MYCBP2: variants seen among roughly 807,000 people sequenced by gnomAD.
MYCBP2 encodes the protein MYC binding protein 2.
In MYCBP2, 120 loss-of-function variants were observed where a neutral mutation model predicts 525.3. The ratio of observed to expected loss-of-function variants is 0.23; its 90% confidence interval spans 0.20 to 0.27. MYCBP2 has a LOEUF of 0.27. Among genes scored for constraint, MYCBP2 ranks in the 10% least tolerant of loss-of-function variants. MYCBP2 has a pLI of 1.00. For synonymous variants in MYCBP2, 1,894 were observed against 1,955.8 expected (o/e 0.97, Z 0.83); for missense variants, 4,149 against 5,657.1 (o/e 0.73, Z 8.55).
At chr13:77,189,854 G>T (rs1476446692) in intron 29 of MYCBP2, among the ~76,000 whole-genome samples, 2 of 152,046 alleles carry the variant, frequency 1.3e-5, no homozygotes, top group Non-Finnish European at 2.9e-5. Flanking sequence ...TCAGTCTTAT[G>T]AGACTACAAT....
In MYCBP2 at chr13:77,326,954, C is replaced by A. The variant is rs542767765; in HGVS notation, c.-179G>T. 7 of 524,126 alleles carry A rather than the reference C, an allele frequency of 1.3e-5. No homozygotes were observed. Among genetic ancestry groups the A allele is most frequent in the South Asian group, 1.1e-4 (2 of 17,438 alleles). 32.5% of individuals were successfully genotyped at this position (524,126 alleles called of 1,614,324 possible). On this transcript the variant is annotated 5_prime_UTR_variant, in exon 1 of 83. Transcript: ENST00000544440. The surrounding 1 kb of genome is among the most constrained non-coding windows in gnomAD (Gnocchi z 4.2). ...CCTCCTCCTTCTTCTCCTCCTCCCC[C>A]CCGCGCCGCCCTCGCCGCTACTGGG...
Position 77,171,529 on chromosome 13 carries a change from G to A in MYCBP2, c.5757C>T (p.Ala1919=), listed in dbSNP as rs1177794856. 6.2e-7 allele frequency: 1 copy of A among 1,614,022 alleles called. No homozygotes were observed. The highest frequency in any genetic ancestry group is 8.5e-7 in the Non-Finnish European group (1 of 1,180,002). The change falls in exon 38 of 83, where the codon GCC becomes GCT. Residue 1919 remains alanine, a synonymous_variant. Coordinates refer to ENST00000544440, the MANE Select transcript of MYCBP2 (RefSeq NM_015057.5). Reference sequence around the variant, plus strand: ...GAGCTCTGTGCAGGAGGTCCTTAGAGGCTCGAACGACAGTGCTTACAACAG... The same window carrying A: ...GAGCTCTGTGCAGGAGGTCCTTAGAAGCTCGAACGACAGTGCTTACAACAG... ...ALSVVSTVVR[A]SKDLLHRALA...
chr13:77,311,682 A>G (rs1294804245), intron 1 of MYCBP2, among the ~76,000 whole-genome samples: 5 of 150,982 alleles, frequency 3.3e-5, no homozygotes, highest in Admixed American at 2.6e-4. Context: ...GGGAGAAAAG[A>G]GTCTGTGAAC....
chr13:77,075,928 G>GT lies in MYCBP2; in HGVS notation c.11823+822dup, dbSNP rs2154095053. Reference sequence around the variant, plus strand: ...AACAGGACAATGATTAGATACTACTGTATTAAGAAACACAGGGTGAGACAA... The same window carrying GT: ...AACAGGACAATGATTAGATACTACTGTTATTAAGAAACACAGGGTGAGACAA... On this transcript the variant is annotated intron_variant, in intron 68 of 82. Transcript: ENST00000544440. The GT allele has an allele frequency of 2.0e-5, 3 of 152,244 alleles. 1 individual carries two copies. Among genetic ancestry groups the GT allele is most frequent in the African/African-American group, 7.2e-5 (3 of 41,552 alleles). 9.4% of individuals were successfully genotyped at this position (152,244 alleles called of 1,614,324 possible). A position where few individuals can be genotyped will look rare whatever the true frequency, so the allele number is the denominator to read the frequency against.
At chr13:77,294,117 T>TATATATATAC (rs1555465691) in intron 2 of MYCBP2, among the ~76,000 whole-genome samples, 5 of 56,668 alleles carry the variant, frequency 8.8e-5, no homozygotes, top group Non-Finnish European at 1.3e-4. Flanking sequence ...TATATATATA[T>TATATATATAC]ATATATATAT....
intron 2 of MYCBP2, among the ~76,000 whole-genome samples, chr13:77,291,063 T>A (rs2154361457): frequency 6.6e-6 from 1 of 152,280 alleles, no homozygotes; most frequent in South Asian, 2.1e-4. Flanking sequence ...ATTGGAAAAT[T>A]CAATATCATT....
chr13:77,117,060 G>A (rs761277653), intron 55 of MYCBP2, among the ~76,000 whole-genome samples: 4 of 151,578 alleles, frequency 2.6e-5, no homozygotes, highest in Non-Finnish European at 4.4e-5. Context: ...TTTTCCCTTT[G>A]TCCTTACCTT....
At chr13:77,212,213 T>A (rs577823602) in intron 21 of MYCBP2, 53 bp from the exon 22 acceptor site, 1 of 1,508,960 alleles carries the variant, frequency 6.6e-7, no homozygotes, top group South Asian at 1.2e-5. Flanking sequence ...ACAATCTAAT[T>A]TTCATAAAGT....
chr13:77,068,877 G>A, intron 69 of MYCBP2, 46 bp from the exon 70 acceptor site: 1 of 1,567,708 alleles, frequency 6.4e-7, no homozygotes, highest in Non-Finnish European at 8.7e-7. Context: ...GGGTTAGTTT[G>A]ATTTACTACT....
chr13:77,069,675 T>G (rs1594207340), intron 69 of MYCBP2, among the ~76,000 whole-genome samples: 1 of 117,086 alleles, frequency 8.5e-6, no homozygotes, highest in Non-Finnish European at 1.7e-5. Flanking sequence ...GCTAACACGG[T>G]GAAACCCCGT....
Position 77,257,847 on chromosome 13 carries a change from A to G in MYCBP2, c.2018-18T>C. On this transcript the variant is annotated intron_variant, in intron 13 of 82. Coordinates refer to ENST00000544440, the MANE Select transcript of MYCBP2 (RefSeq NM_015057.5). ...TACCAAACCTATAGGAAAGAAACAA[A>G]TTTAGTAAAAACAACAAAAAGGCCC... 1 of 1,590,322 alleles carries G rather than the reference A, an allele frequency of 6.3e-7. No individual in the cohort carries two copies. The highest frequency in any genetic ancestry group is 1.4e-5 in the African/African-American group (1 of 73,430).
chr13:77,270,234 A>C, intron 6 of MYCBP2, 62 bp downstream of exon 6: 1 of 1,528,232 alleles, frequency 6.5e-7, no homozygotes, highest in Non-Finnish European at 8.8e-7. Flanking sequence ...AGAAACACAC[A>C]GAACACAATT....
chr13:77,072,300 G>GAA (rs56238720), intron 68 of MYCBP2, among the ~76,000 whole-genome samples: 1 of 121,196 alleles, frequency 8.3e-6, no homozygotes, highest in Non-Finnish European at 1.7e-5. Flanking sequence ...CAAAAAAAAA[G>GAA]AAAAAAAAAA....
chr13:77,176,505 G>T lies in MYCBP2; in HGVS notation c.5464C>A (p.Pro1822Thr). Residue 1822 changes from proline (P) to threonine (T), a missense_variant, in exon 36 of 83, where the codon CCT becomes ACT. Transcript: ENST00000544440. Reference sequence around the variant, plus strand: ...CATTCAGTTGAAACTACCTTTAAAGGAACCACTTTGTCAAGTCTGATCTCA... The same window carrying T: ...CATTCAGTTGAAACTACCTTTAAAGTAACCACTTTGTCAAGTCTGATCTCA... ...IAEIRLDKVV[P>T]LKENVKYAVR... 6.3e-7 allele frequency: 1 copy of T among 1,575,196 alleles called. No homozygotes were observed. The highest frequency in any genetic ancestry group is 8.6e-7 in the Non-Finnish European group (1 of 1,156,746).
At chr13:77,180,510 G>A (rs769799723) in intron 33 of MYCBP2, among the ~76,000 whole-genome samples, 192 bp from the exon 34 acceptor site, 32 of 152,278 alleles carry the variant, frequency 2.1e-4, no homozygotes, top group Admixed American at 1.0e-3. Flanking sequence ...CTGTCTCTGC[G>A]TATCAAAGTA....
chr13:77,234,625 A>G (rs2154304476), intron 17 of MYCBP2, among the ~76,000 whole-genome samples: 1 of 152,138 alleles, frequency 6.6e-6, no homozygotes, highest in South Asian at 2.1e-4. Flanking sequence ...GTTCTCAATA[A>G]TGCAGTACCA....
At chr13:77,130,794 G>A (rs558591743) in intron 52 of MYCBP2, among the ~76,000 whole-genome samples, 5 of 152,016 alleles carry the variant, frequency 3.3e-5, no homozygotes, top group South Asian at 2.1e-4. Flanking sequence ...TTTTTTTAGC[G>A]TATTCTATTT....
chr13:77,271,059 T>C (rs73545902), intron 5 of MYCBP2, among the ~76,000 whole-genome samples: 5,179 of 152,282 alleles, frequency 0.034, 293 homozygotes, highest in African/African-American at 0.12. Flanking sequence ...TCCTAATGTC[T>C]GACTACTTTT....
chr13:77,127,308 C>A (rs1364848000), intron 52 of MYCBP2, among the ~76,000 whole-genome samples: 1 of 151,806 alleles, frequency 6.6e-6, no homozygotes, highest in Non-Finnish European at 1.5e-5. Context: ...AGAGTCACTT[C>A]TAAAATGAAA....
Sources: allele counts gnomAD v4.1 joint callset (sites outside exome capture counted in the v4.1 genomes callset), GRCh38; gene constraint gnomAD v4.1.1; non-coding constraint Gnocchi (gnomAD v3.1); transcripts MANE v1.5; gene names NCBI Gene and HGNC (gene_info 2026-07-23, HGNC 2026-07-21).